EEF2K: variants seen among roughly 807,000 people sequenced by gnomAD.
The protein encoded by EEF2K is eukaryotic elongation factor 2 kinase.
EEF2K carries 70 observed loss-of-function variants against 93.8 expected under a neutral mutation model. That is an observed-to-expected ratio of 0.75 (90% CI 0.62 to 0.91). The LOEUF is 0.91. Among genes scored for constraint, EEF2K ranks in the 40% least tolerant of loss-of-function variants. The pLI is 0.00. For synonymous variants in EEF2K, 376 were observed against 380.8 expected (o/e 0.99, Z 0.15); for missense variants, 935 against 972.9 (o/e 0.96, Z 0.52).
At chr16:22,260,415 G>A in intron 10 of EEF2K, 47 bp from the exon 11 acceptor site, 1 of 1,609,528 alleles carries the variant, frequency 6.2e-7, no homozygotes, top group Non-Finnish European at 8.5e-7. Flanking sequence ...TCTTATGCAT[G>A]TTCCAGTAGT....
chr16:22,246,774 T>G, intron 3 of EEF2K, among the ~76,000 whole-genome samples: 1 of 151,738 alleles, frequency 6.6e-6, no homozygotes, highest in East Asian at 2.0e-4. Context: ...GTGCGATGGC[T>G]CACGCCTGTA....
At chr16:22,238,649 C>CA (rs111341257) in intron 2 of EEF2K, among the ~76,000 whole-genome samples, 27,951 of 75,322 alleles carry the variant, frequency 0.37, 3,372 homozygotes, top group East Asian at 0.63. Context: ...TACCTGGTCT[C>CA]AAAAAAAAAG....
At chr16:22,230,253 G>C (rs904987639) in intron 2 of EEF2K, among the ~76,000 whole-genome samples, 1 of 151,020 alleles carries the variant, frequency 6.6e-6, no homozygotes, top group Non-Finnish European at 1.5e-5. Context: ...TCACTCTGTC[G>C]CCCAGGCTGG....
chr16:22,276,113 T>TTTTATAA (rs1199348383), intron 16 of EEF2K, among the ~76,000 whole-genome samples: 2 of 151,934 alleles, frequency 1.3e-5, no homozygotes, highest in African/African-American at 4.8e-5. Context: ...CCTGGCTAAT[T>TTTTATAA]TTTATAATTT....
At chr16:22,219,317 G>T (rs746398548) in intron 1 of EEF2K, among the ~76,000 whole-genome samples, 1 of 152,124 alleles carries the variant, frequency 6.6e-6, no homozygotes, top group African/African-American at 2.4e-5. Context: ...CCCTGCCCAG[G>T]CACCCATTTG....
At chr16:22,256,423 C>T (rs540612559) in intron 6 of EEF2K, among the ~76,000 whole-genome samples, 2 of 151,860 alleles carry the variant, frequency 1.3e-5, no homozygotes, top group Non-Finnish European at 2.9e-5. Context: ...TTAGTAGAGG[C>T]AGGATTTCAC....
intron 1 of EEF2K, among the ~76,000 whole-genome samples, chr16:22,213,934 T>C (rs894631290): frequency 1.3e-5 from 2 of 152,216 alleles, no homozygotes; most frequent in African/African-American, 4.8e-5. Context: ...ATCTGCAAAG[T>C]CCCTTTTGCC....
chr16:22,270,138 G>A (rs2047563735), intron 15 of EEF2K, among the ~76,000 whole-genome samples: 1 of 149,500 alleles, frequency 6.7e-6, no homozygotes, highest in South Asian at 2.1e-4. Flanking sequence ...TTTTTTTTGA[G>A]ATGAAGTCTT....
chr16:22,230,947 T>C (rs4783449), intron 2 of EEF2K, among the ~76,000 whole-genome samples: 42,973 of 150,812 alleles, frequency 0.28, 7,088 homozygotes, highest in East Asian at 0.57. Context: ...TCTAAAACAG[T>C]GCCTACTATT....
At chr16:22,238,667 G>GAAAAAAAAAAAAAAAAAAAAAAA in intron 2 of EEF2K, among the ~76,000 whole-genome samples, 1 of 93,472 alleles carries the variant, frequency 1.1e-5, no homozygotes. Context: ...AAGAAAAAAG[G>GAAAAAAAAAAAAAAAAAAAAAAA]AAAAAAAAAA....
intron 2 of EEF2K, among the ~76,000 whole-genome samples, chr16:22,230,119 G>A (rs2047101033): frequency 6.6e-6 from 1 of 152,210 alleles, no homozygotes; most frequent in Non-Finnish European, 1.5e-5. Context: ...CCCCGAGGAG[G>A]ACAGCTCAAG....
At chr16:22,265,654 G>A (rs2047509927) in intron 13 of EEF2K, among the ~76,000 whole-genome samples, 1 of 152,264 alleles carries the variant, frequency 6.6e-6, no homozygotes, top group Non-Finnish European at 1.5e-5. Flanking sequence ...ATTCTGGGCT[G>A]AATCGTTCCT....
rs1014502566 is a variant in EEF2K, at chr16:22,287,690, TAAGA to T, written c.*3700_*3703del. On this transcript the variant is annotated 3_prime_UTR_variant, in exon 18 of 18. Transcript: ENST00000263026. The stretch of plus-strand genomic sequence containing the variant: ...GAATGGATAGGTGGCTTTATGGGTG[TAAGA>T]AAGAAGCGAAAAAAACTCCCAAACC... 5.9e-5 allele frequency: 9 copies of T among 152,146 alleles called. No homozygotes were observed. Among genetic ancestry groups the T allele is most frequent in the African/African-American group, 1.9e-4 (8 of 41,434 alleles). 9.4% of individuals were successfully genotyped at this position (152,146 alleles called of 1,614,324 possible).
At position 22,225,911 on chromosome 16, in the gene EEF2K, G is replaced by A. The variant is rs1053994666; in HGVS notation, c.182G>A (p.Ser61Asn). The change falls in exon 2 of 18, where the codon AGC (serine) becomes AAC (asparagine). Residue 61 changes from serine (S) to asparagine (N), a missense_variant. Transcript: ENST00000263026. ...NVNSKVNKYY[S>N]NLTKSERYSS... ...AATTCCAAGGTTAATAAGTACTACAGCAACCTAACAAAAAGTGAGCGGTAT... is the reference window on the plus strand; with the variant it reads ...AATTCCAAGGTTAATAAGTACTACAACAACCTAACAAAAAGTGAGCGGTAT... 8 of 1,614,068 alleles carry A rather than the reference G, an allele frequency of 5.0e-6. No homozygotes were observed. The highest frequency in any genetic ancestry group is 6.8e-6 in the Non-Finnish European group (8 of 1,180,054).
intron 2 of EEF2K, 81 bp downstream of exon 2, chr16:22,226,056 C>T: frequency 6.4e-7 from 1 of 1,563,452 alleles, no homozygotes; most frequent in Non-Finnish European, 8.7e-7. Context: ...TGGTTGGGGA[C>T]TTCTTCGTAT....
intron 6 of EEF2K, among the ~76,000 whole-genome samples, chr16:22,255,787 G>A (rs921212541): frequency 7.9e-5 from 12 of 152,228 alleles, no homozygotes; most frequent in Admixed American, 2.0e-4. Flanking sequence ...ACACACGCCT[G>A]TAGTCCTAGC....
intron 16 of EEF2K, among the ~76,000 whole-genome samples, chr16:22,278,963 G>A (rs778990742): frequency 9.9e-5 from 15 of 152,068 alleles, no homozygotes; most frequent in Non-Finnish European, 2.2e-4. Context: ...CAGCTGTCCC[G>A]CACAGCAGAG....
In EEF2K at chr16:22,227,850, G is replaced by A. The variant is rs368027826; in HGVS notation, c.246+1875G>A. Among the ~76,000 whole-genome samples, 7 of 151,532 alleles carry A rather than the reference G, an allele frequency of 4.6e-5. No individual in the cohort carries two copies. In the East Asian group the frequency reaches 9.7e-4, roughly 21 times the overall value. ...AGTGGCTCAAGCCTGTAATCCCAGCGCTTTGGGAGGCCAAGATGGTAGGAT... is the reference window on the plus strand; with the variant it reads ...AGTGGCTCAAGCCTGTAATCCCAGCACTTTGGGAGGCCAAGATGGTAGGAT... On this transcript the variant is annotated intron_variant, in intron 2 of 17. Coordinates refer to ENST00000263026, the MANE Select transcript of EEF2K (RefSeq NM_013302.5).
chr16:22,258,449 C>G, intron 9 of EEF2K, 45 bp from the exon 10 acceptor site: 1 of 1,597,946 alleles, frequency 6.3e-7, no homozygotes, highest in Admixed American at 1.7e-5. Context: ...CTTTAATTCC[C>G]AGAGGGTGTG....
Sources: gnomAD v4.1 joint callset for allele counts (sites outside exome capture counted in the v4.1 genomes callset) on GRCh38, gnomAD v4.1.1 for gene constraint, MANE v1.5 for transcripts, NCBI Gene and HGNC (gene_info 2026-07-23, HGNC 2026-07-21) for gene names.